The following MUC4 variants were observed in gnomAD, a reference collection of about 807,000 sequenced individuals.
The protein encoded by MUC4 is mucin 4, cell surface associated.
A neutral mutation model predicts 257.9 loss-of-function variants in MUC4; 202 were observed. The ratio of observed to expected loss-of-function variants is 0.78; its 90% CI spans 0.70 to 0.88. The LOEUF (loss-of-function observed/expected upper bound fraction) is 0.88, where lower values mean the gene tolerates loss of function less well. MUC4 is among the 40% of genes least tolerant of loss of function. The pLI is 0.00. For missense variants in MUC4, 5,976 were observed against 6,513.7 expected, an observed-to-expected ratio of 0.92 and a Z score of 2.84; for synonymous variants, 2,351 against 2,757.1, an observed-to-expected ratio of 0.85 and a Z score of 4.62.
At position 195,780,256 on chromosome 3, in the gene MUC4, G is replaced by T. The variant is rs777522305; in HGVS notation, c.11324C>A (p.Thr3775Lys). ...GGAAGCGTCGGTGACAGGAAGAGGC[G>T]TGGCGTGACCTGTGGACACTGAGGA... ...DASSVSTGHA[T>K]PLPVTDASSA... The change falls in exon 2 of 25, where the codon ACG becomes AAG. Residue 3775 changes from threonine (T) to lysine (K), a missense_variant. This residue lies in a region of MUC4 where 330 missense variants were observed against 262.0 expected (regional missense o/e 1.26). Coordinates refer to ENST00000463781, the MANE Select transcript of MUC4 (RefSeq NM_018406.7). 5.3e-6 allele frequency: 8 copies of T among 1,519,824 alleles called. No individual in the cohort carries two copies. In the East Asian group the frequency reaches 7.4e-5, roughly 14 times the overall value. 94.1% of individuals were successfully genotyped at this position (1,519,824 alleles called of 1,614,324 possible). A position where few individuals can be genotyped will look rare whatever the true frequency, so the allele number is the denominator to read the frequency against.
At chr3:195,778,525 A>G in intron 2 of MUC4, 70 bp from the exon 3 acceptor site, 2 of 1,576,788 alleles carry the variant, frequency 1.3e-6, no homozygotes, top group South Asian at 2.3e-5. Context: ...AGAGATTCAA[A>G]GAAATCAGGA....
chr3:195,766,652 G>A lies in MUC4; in HGVS notation c.13618+11C>T, dbSNP rs1482013059. On this transcript the variant is annotated intron_variant, in intron 8 of 24. Transcript: ENST00000463781. ...GAGACCAGCTCAGGTGTGATAAGGTGGCACTTTTACCTGAGTTGGAATTCA... is the reference window on the plus strand; with the variant it reads ...GAGACCAGCTCAGGTGTGATAAGGTAGCACTTTTACCTGAGTTGGAATTCA... The A allele has an allele frequency of 6.2e-7, 1 of 1,613,062 alleles. No individual in the cohort carries two copies. Among genetic ancestry groups the A allele is most frequent in the Non-Finnish European group, 8.5e-7 (1 of 1,179,044 alleles).
chr3:195,750,661 G>A, intron 23 of MUC4: 1 of 583,598 alleles, frequency 1.7e-6, no homozygotes, highest in South Asian at 2.1e-5. Context: ...AGTCAGCAAG[G>A]CCCTGGCTGG....
At chr3:195,773,294 AG>A (rs1214340992) in intron 4 of MUC4, among the ~76,000 whole-genome samples, 1 of 124,510 alleles carries the variant, frequency 8.0e-6, no homozygotes, top group East Asian at 2.8e-4. Context: ...TCCATCACTT[AG>A]GGGGTGGAAA....
At chr3:195,800,658 T>C (rs1233880294) in intron 1 of MUC4, among the ~76,000 whole-genome samples, 1 of 152,150 alleles carries the variant, frequency 6.6e-6, no homozygotes, top group Non-Finnish European at 1.5e-5. Context: ...AGTAGGTTAT[T>C]TGTAGGTAAG....
intron 1 of MUC4, among the ~76,000 whole-genome samples, chr3:195,808,746 C>T (rs1736315154): frequency 6.6e-6 from 1 of 152,184 alleles, no homozygotes; most frequent in Non-Finnish European, 1.5e-5. Context: ...GGCTGATGTT[C>T]CTGGCAGGAC....
intron 20 of MUC4, 72 bp downstream of exon 20, chr3:195,752,979 G>T: frequency 2.3e-6 from 3 of 1,317,014 alleles, no homozygotes; most frequent in Non-Finnish European, 2.1e-6. Context: ...CCAAAGGTGG[G>T]CGGAGTGCGG....
At chr3:195,806,282 C>T (rs1735975161) in intron 1 of MUC4, among the ~76,000 whole-genome samples, 1 of 152,208 alleles carries the variant, frequency 6.6e-6, no homozygotes. Flanking sequence ...GGCACCTTCT[C>T]CACCTGGCTG....
At position 195,746,944 on chromosome 3, in the gene MUC4, G is replaced by T; in HGVS notation, c.*232C>A. On this transcript the variant is annotated 3_prime_UTR_variant, in exon 25 of 25. Transcript: ENST00000463781. ...CACAGGCTAGTGTCCTTCTGTGGGT[G>T]TGTCTGCGTGAGGACCCATCCATGC... 3.2e-6 allele frequency: 2 copies of T among 628,100 alleles called. No homozygotes were observed. Among genetic ancestry groups the T allele is most frequent in the Non-Finnish European group, 5.5e-6 (2 of 362,150 alleles). 38.9% of individuals were successfully genotyped at this position (628,100 alleles called of 1,614,324 possible). A position where few individuals can be genotyped will look rare whatever the true frequency, so the allele number is the denominator to read the frequency against.
intron 24 of MUC4, among the ~76,000 whole-genome samples, chr3:195,748,041 C>G (rs1372518772): frequency 1.3e-5 from 2 of 152,234 alleles, no homozygotes; most frequent in African/African-American, 4.8e-5. Context: ...CGCCCGCCCC[C>G]TCCTTCGGCG....
At chr3:195,756,577 T>C (rs1051669741) in intron 18 of MUC4, among the ~76,000 whole-genome samples, 4 of 152,024 alleles carry the variant, frequency 2.6e-5, no homozygotes, top group African/African-American at 9.7e-5. Context: ...CTTTCTTTCT[T>C]TCTTTTTCTC....
rs1578003910 is a variant in MUC4 at position 195,762,244 on chromosome 3, C to T, written c.14355G>A (p.Thr4785=). 2 of 1,583,202 alleles carry T rather than the reference C, an allele frequency of 1.3e-6. No homozygotes were observed. Among genetic ancestry groups the T allele is most frequent in the Non-Finnish European group, 8.6e-7 (1 of 1,165,068 alleles). ...PDHEDGGGQE[T]FNATGVLLSR... is the part of the protein sequence containing the mutation. The stretch of plus-strand genomic sequence containing the variant: ...TCAGGAGGACTCCGGTGGCGTTGAA[C>T]GTCTCCTGGCCTGGAGCATCGGGAG... Residue 4785 remains threonine (T), a synonymous_variant, in exon 14 of 25, where the codon ACG becomes ACA. Transcript: ENST00000463781.
chr3:195,767,797 CA>C (rs1721614942), intron 7 of MUC4, among the ~76,000 whole-genome samples: 1 of 138,234 alleles, frequency 7.2e-6, no homozygotes, highest in Non-Finnish European at 1.5e-5. Flanking sequence ...TCATTGCCAC[CA>C]CCATCATCAC....
chr3:195,754,727 AATGTATCCATGTATAGATGT>A (rs1175478765), intron 18 of MUC4, among the ~76,000 whole-genome samples: 1 of 150,970 alleles, frequency 6.6e-6, no homozygotes, highest in Non-Finnish European at 1.5e-5. Context: ...TGAATGAATG[AATGTATCCATGTATAGATGT>A]ATGTATCCAT....
In MUC4 at chr3:195,782,157, G is replaced by T; in HGVS notation, c.9423C>A (p.Ser3141Arg). ...TGTCACCTGTGGATGCTGAGGAAGT[G>T]CTGGTGACAGGAAGAGCGGTGGCCT... is the stretch of plus-strand genomic sequence containing the variant. ...TGQATALPVTSTSSASTGDTT... is the reference protein window; with the variant it reads ...TGQATALPVTRTSSASTGDTT... The change falls in exon 2 of 25, where the codon AGC becomes AGA. Residue 3141 changes from serine to arginine, a missense_variant. By Grantham distance (110) the Ser-to-Arg change is moderately radical (BLOSUM62 -1). Transcript: ENST00000463781. 4 of 1,372,110 alleles carry T rather than the reference G, an allele frequency of 2.9e-6. No homozygotes were observed. The highest frequency in any genetic ancestry group is 2.9e-6 in the Non-Finnish European group (3 of 1,043,676). The allele number at this position is 1,372,110 out of a possible 1,614,324, so 85.0% of individuals were successfully genotyped here.
At chr3:195,769,498 G>A (rs1722329816) in intron 6 of MUC4, 1 of 270,140 alleles carries the variant, frequency 3.7e-6, no homozygotes, top group East Asian at 6.9e-5. Flanking sequence ...TAGAGAGGAG[G>A]CTTCATTAGC....
chr3:195,800,978 T>C (rs762657501), intron 1 of MUC4, among the ~76,000 whole-genome samples: 2 of 151,602 alleles, frequency 1.3e-5, no homozygotes, highest in Non-Finnish European at 2.9e-5. Context: ...CTGATGCAGG[T>C]GGTCCGTGGA....
chr3:195,769,691 G>C (rs995834119), intron 6 of MUC4: 2 of 161,748 alleles, frequency 1.2e-5, no homozygotes, highest in African/African-American at 4.8e-5. Flanking sequence ...GTGACTACAA[G>C]AGCGGGGTCC....
At chr3:195,804,950 T>A (rs1735790109) in intron 1 of MUC4, among the ~76,000 whole-genome samples, 1 of 152,236 alleles carries the variant, frequency 6.6e-6, no homozygotes, top group Non-Finnish European at 1.5e-5. Flanking sequence ...AAACGAGACT[T>A]GGCATACAGC....
Sources: gnomAD v4.1 joint callset for allele counts (sites outside exome capture counted in the v4.1 genomes callset) on GRCh38, gnomAD v4.1.1 for gene constraint, gnomAD v4.1.1 regional missense constraint, MANE v1.5 for transcripts, NCBI Gene and HGNC (gene_info 2026-07-23, HGNC 2026-07-21) for gene names.